The following TC2N variants were observed in gnomAD, a reference collection of about 807,000 sequenced individuals.
TC2N encodes the protein tandem C2 domains nuclear protein.
TC2N carries 51 observed loss-of-function variants against 61.9 expected under a neutral mutation model. The observed-to-expected ratio is 0.82, with a 90% CI of 0.66 to 1.04. TC2N has a LOEUF of 1.04. Among genes scored for constraint, TC2N ranks in the 50% least tolerant of loss-of-function variants. TC2N has a pLI of 0.00. For missense variants in TC2N, 556 were observed against 566.7 expected (o/e 0.98, Z 0.19); for synonymous variants, 204 against 192.6 (o/e 1.06, Z -0.49).
intron 1 of TC2N, among the ~76,000 whole-genome samples, chr14:91,852,102 G>A (rs1888386405): frequency 6.6e-6 from 1 of 152,154 alleles, no homozygotes; most frequent in African/African-American, 2.4e-5. Flanking sequence ...TGTGAAAACA[G>A]ACAGTCTCTC....
intron 1 of TC2N, among the ~76,000 whole-genome samples, chr14:91,832,846 G>A (rs1595266448): frequency 1.3e-5 from 2 of 152,092 alleles, no homozygotes; most frequent in African/African-American, 2.4e-5. Context: ...ATATCCATCC[G>A]CAGGATAATG....
At chr14:91,849,830 C>T (rs112168991) in intron 1 of TC2N, among the ~76,000 whole-genome samples, 6,224 of 152,088 alleles carry the variant, frequency 0.041, 350 homozygotes, top group African/African-American at 0.12. Flanking sequence ...GGTGGATCAC[C>T]GGAGGTCAGG....
chr14:91,825,955 C>T (rs968455330), intron 1 of TC2N, among the ~76,000 whole-genome samples: 1 of 152,106 alleles, frequency 6.6e-6, no homozygotes, highest in African/African-American at 2.4e-5. Flanking sequence ...GTTCCATGTA[C>T]ATTTGCAACT....
chr14:91,812,816 G>A (rs1174803434), intron 2 of TC2N, among the ~76,000 whole-genome samples: 7 of 151,728 alleles, frequency 4.6e-5, no homozygotes, highest in Admixed American at 1.3e-4. Flanking sequence ...ATTCATAGAT[G>A]GAAAACAATT....
intron 1 of TC2N, among the ~76,000 whole-genome samples, chr14:91,818,624 C>T (rs1311483381): frequency 1.3e-5 from 2 of 151,878 alleles, no homozygotes; most frequent in Admixed American, 6.6e-5. Flanking sequence ...CAGTTGAGGA[C>T]ACTAAAATAG....
chr14:91,866,413 T>C (rs1888704557), intron 1 of TC2N: 2 of 152,180 alleles, frequency 1.3e-5, no homozygotes. Context: ...ACTGCAAAAC[T>C]CTGAAATTGC....
intron 1 of TC2N, among the ~76,000 whole-genome samples, chr14:91,825,026 C>CCTT (rs1887429573): frequency 1.5e-5 from 1 of 66,860 alleles, no homozygotes; most frequent in African/African-American, 6.1e-5. Flanking sequence ...TTTTTCTTTT[C>CCTT]TTTTTTTTTT....
Position 91,841,481 on chromosome 14 carries a change from T to C in TC2N, c.-57+25781A>G, listed in dbSNP as rs142552669. Among the ~76,000 whole-genome samples, 702 of 152,260 alleles carry C rather than the reference T, an allele frequency of 4.6e-3. 2 individuals carry two copies. Among genetic ancestry groups the C allele is most frequent in the Non-Finnish European group, 7.7e-3 (526 of 68,016 alleles). On this transcript the variant is annotated intron_variant, in intron 1 of 11. Coordinates refer to ENST00000435962, the MANE Select transcript of TC2N (RefSeq NM_001128596.3). Reference sequence around the variant, plus strand: ...GGAGCAGAGCCACTCCCTCTGAAGATCCTCATGACTACACGTGGTGGCAGA... The same window carrying C: ...GGAGCAGAGCCACTCCCTCTGAAGACCCTCATGACTACACGTGGTGGCAGA...
chr14:91,850,965 A>G (rs1888363854), intron 1 of TC2N, among the ~76,000 whole-genome samples: 1 of 152,150 alleles, frequency 6.6e-6, no homozygotes, highest in East Asian at 1.9e-4. Flanking sequence ...ATGCCTGATG[A>G]GCTATCACTG....
At chr14:91,814,764 A>G (rs900328248) in intron 1 of TC2N, among the ~76,000 whole-genome samples, 1 of 151,666 alleles carries the variant, frequency 6.6e-6, no homozygotes, top group Non-Finnish European at 1.5e-5. Flanking sequence ...TTGATAAGAG[A>G]AATAGGTTGA....
At chr14:91,834,364 G>A (rs1887913898) in intron 1 of TC2N, among the ~76,000 whole-genome samples, 1 of 152,170 alleles carries the variant, frequency 6.6e-6, no homozygotes, top group Non-Finnish European at 1.5e-5. Context: ...ACTTAACCAT[G>A]AGAGAGGAAC....
chr14:91,801,953 T>C (rs1886270081), intron 4 of TC2N, among the ~76,000 whole-genome samples: 1 of 152,150 alleles, frequency 6.6e-6, no homozygotes, highest in Non-Finnish European at 1.5e-5. Context: ...TTCAAGAATA[T>C]ATCATAATTA....
chr14:91,826,230 G>A (rs1399998190), intron 1 of TC2N, among the ~76,000 whole-genome samples: 1 of 151,402 alleles, frequency 6.6e-6, no homozygotes, highest in Non-Finnish European at 1.5e-5. Context: ...TGAGGTGGGA[G>A]GATCACTTCA....
chr14:91,800,216 C>A, intron 5 of TC2N, 65 bp downstream of exon 5: 2 of 952,818 alleles, frequency 2.1e-6, no homozygotes. Context: ...GTAATTCATA[C>A]ATTTCTGAAT....
chr14:91,822,747 C>T (rs895135701), intron 1 of TC2N, among the ~76,000 whole-genome samples: 12 of 146,964 alleles, frequency 8.2e-5, no homozygotes, highest in Admixed American at 2.8e-4. Flanking sequence ...CAGTGTCTCG[C>T]TCTGTCGCCC....
chr14:91,828,426 G>A (rs1433384387), intron 1 of TC2N, among the ~76,000 whole-genome samples: 3 of 151,764 alleles, frequency 2.0e-5, no homozygotes, highest in African/African-American at 7.3e-5. Flanking sequence ...AGACAATATT[G>A]AAGAACATCT....
At chr14:91,865,446 T>C (rs1002030711) in intron 1 of TC2N, among the ~76,000 whole-genome samples, 3 of 151,852 alleles carry the variant, frequency 2.0e-5, no homozygotes, top group African/African-American at 7.3e-5. Flanking sequence ...CAGCCATTTG[T>C]TAAGTAACAG....
chr14:91,849,786 C>A (rs7141742), intron 1 of TC2N, among the ~76,000 whole-genome samples: 3 of 152,332 alleles, frequency 2.0e-5, no homozygotes, highest in South Asian at 2.1e-4. Flanking sequence ...AGTGGCTTAC[C>A]CCTGTAATCC....
At chr14:91,860,574 A>T (rs1033488036) in intron 1 of TC2N, among the ~76,000 whole-genome samples, 1 of 152,186 alleles carries the variant, frequency 6.6e-6, no homozygotes, top group Non-Finnish European at 1.5e-5. Flanking sequence ...TCCAAACTCA[A>T]CTAGGTGAAT....
Sources: allele counts gnomAD v4.1 joint callset (sites outside exome capture counted in the v4.1 genomes callset), GRCh38; gene constraint gnomAD v4.1.1; transcripts MANE v1.5; gene names NCBI Gene and HGNC (gene_info 2026-07-23, HGNC 2026-07-21).